Variants in TSPAN11 observed in about 807,000 individuals in gnomAD.
TSPAN11 encodes the protein tetraspanin 11.
Under a neutral mutation model 32.9 loss-of-function variants are expected in TSPAN11, and 29 were observed. The observed-to-expected ratio is 0.88, with a 90% CI of 0.66 to 1.20. TSPAN11 has a LOEUF of 1.20. Ranked by LOEUF, TSPAN11 falls within the 50% of genes most tolerant of loss-of-function variation. The pLI is 0.00. For missense variants in TSPAN11, 283 were observed against 329.1 expected, an observed-to-expected ratio of 0.86 and a Z score of 1.08; for synonymous variants, 140 against 141.3, an observed-to-expected ratio of 0.99 and a Z score of 0.07.
At chr12:30,937,080 G>T (rs576235237) in intron 1 of TSPAN11, among the ~76,000 whole-genome samples, 1 of 152,362 alleles carries the variant, frequency 6.6e-6, no homozygotes, top group African/African-American at 2.4e-5. Flanking sequence ...TTCAAAAGAA[G>T]ATGTGACCAA....
rs562488722 is a variant in TSPAN11 at position 30,928,734 on chromosome 12, A to G, written c.-12+1938A>G. Among the ~76,000 whole-genome samples the G allele has an allele frequency of 2.8e-4, 42 of 152,258 alleles. No homozygotes were observed. The South Asian group carries it at 8.7e-3, about 32-fold the overall frequency. ...CCAAATCAGGGCATCTTTCCAGATT[A>G]TCATTCTGTTTTCAACTGTGTTTTG... is the stretch of plus-strand genomic sequence containing the variant. On this transcript the variant is annotated intron_variant, in intron 1 of 7. Coordinates refer to ENST00000546076, the MANE Select transcript of TSPAN11 (RefSeq NM_001370302.1).
At chr12:30,933,624 G>C (rs1937980831) in intron 1 of TSPAN11, among the ~76,000 whole-genome samples, 1 of 152,144 alleles carries the variant, frequency 6.6e-6, no homozygotes, top group Admixed American at 6.6e-5. Flanking sequence ...TCCAACCAGA[G>C]TCATTGCCCA....
the TSPAN11 span, among the ~76,000 whole-genome samples, chr12:31,005,547 G>C: frequency 6.6e-6 from 1 of 152,222 alleles, no homozygotes; most frequent in African/African-American, 2.4e-5. Flanking sequence ...TGCAGACACA[G>C]ACGCAGGCAT....
At chr12:30,933,897 T>C (rs1362544691) in intron 1 of TSPAN11, among the ~76,000 whole-genome samples, 11 of 152,138 alleles carry the variant, frequency 7.2e-5, no homozygotes, top group African/African-American at 2.7e-4. Context: ...TAGACAGCCA[T>C]GAGGAGCCAT....
chr12:31,016,043 G>C, the TSPAN11 span, among the ~76,000 whole-genome samples: 2 of 152,212 alleles, frequency 1.3e-5, no homozygotes, highest in African/African-American at 2.4e-5. Context: ...CAGGCATGGT[G>C]AGGCAGGAGG....
At chr12:30,953,652 G>T (rs1938425613) in intron 1 of TSPAN11, among the ~76,000 whole-genome samples, 1 of 152,222 alleles carries the variant, frequency 6.6e-6, no homozygotes, top group Non-Finnish European at 1.5e-5. Context: ...AGGTAAACTT[G>T]TGTCCTGCAA....
intron 1 of TSPAN11, among the ~76,000 whole-genome samples, chr12:30,948,282 C>G (rs971051072): frequency 6.6e-6 from 1 of 152,184 alleles, no homozygotes; most frequent in Admixed American, 6.5e-5. Context: ...GACAGTGGCC[C>G]CCTTCTCACA....
chr12:31,005,867 G>A, the TSPAN11 span: 1 of 178,804 alleles, frequency 5.6e-6, no homozygotes, highest in East Asian at 1.5e-4. Flanking sequence ...CACATGGAAG[G>A]ACCTTCTACA....
downstream of TSPAN11, among the ~76,000 whole-genome samples, chr12:30,997,870 C>A (rs190672612): frequency 2.0e-5 from 3 of 152,172 alleles, no homozygotes; most frequent in African/African-American, 4.8e-5. Context: ...TTGATCCACC[C>A]GGGGAGGTCC....
chr12:30,994,668 C>T lies in TSPAN11; in HGVS notation c.*2753C>T, dbSNP rs1939383247. On this transcript the variant is annotated 3_prime_UTR_variant, in exon 8 of 8. Transcript: ENST00000546076. ...CTTCCCCGGCACCCTAGCCCCATCT[C>T]CAGGAGCCCCTCAGGCAGAGTAAGT... 6.6e-6 allele frequency: 1 copy of T among 152,246 alleles called. No individual in the cohort carries two copies. The highest frequency in any genetic ancestry group is 2.4e-5 in the African/African-American group (1 of 41,464). The allele number at this position is 152,246 out of a possible 1,614,324, so 9.4% of individuals were successfully genotyped here. A position where few individuals can be genotyped will look rare whatever the true frequency, so the allele number is the denominator to read the frequency against.
chr12:30,995,871 A>G lies in TSPAN11; in HGVS notation c.*3956A>G, dbSNP rs2140318414. 6.6e-6 allele frequency: 1 copy of G among 152,250 alleles called. No homozygotes were observed. Among genetic ancestry groups the G allele is most frequent in the Admixed American group, 6.5e-5 (1 of 15,292 alleles). 9.4% of individuals were successfully genotyped at this position (152,250 alleles called of 1,614,324 possible). A position where few individuals can be genotyped will look rare whatever the true frequency, so the allele number is the denominator to read the frequency against. ...TTTGCATTTCTGACAAGTTCCCAGGAGCTGCAGCTGCTGGCCCTGGAACCA... is the reference window on the plus strand; with the variant it reads ...TTTGCATTTCTGACAAGTTCCCAGGGGCTGCAGCTGCTGGCCCTGGAACCA... On this transcript the variant is annotated 3_prime_UTR_variant, in exon 8 of 8. Transcript: ENST00000546076.
intron 1 of TSPAN11, among the ~76,000 whole-genome samples, chr12:30,936,223 C>G (rs1189088971): frequency 6.6e-6 from 1 of 152,232 alleles, no homozygotes; most frequent in East Asian, 1.9e-4. Flanking sequence ...TTGCCCACAG[C>G]TCCCTCTTCA....
At chr12:30,985,760 G>A (rs1056793690) in intron 7 of TSPAN11, among the ~76,000 whole-genome samples, 19 of 152,238 alleles carry the variant, frequency 1.2e-4, no homozygotes, top group South Asian at 8.3e-4. Context: ...GCAGGACTGC[G>A]GATGCCCAGA....
chr12:30,952,800 A>G (rs1386526586), intron 1 of TSPAN11, among the ~76,000 whole-genome samples: 5 of 152,196 alleles, frequency 3.3e-5, no homozygotes, highest in African/African-American at 1.2e-4. Context: ...GAACAGGACG[A>G]CTGGCTGATC....
chr12:30,957,655 T>TCCTC (rs1938512892), intron 2 of TSPAN11, among the ~76,000 whole-genome samples: 1 of 66,752 alleles, frequency 1.5e-5, no homozygotes, highest in Non-Finnish European at 3.1e-5. Flanking sequence ...CTCCCTCCCT[T>TCCTC]CCTCCCTTGC....
intron 1 of TSPAN11, among the ~76,000 whole-genome samples, chr12:30,935,528 C>A (rs886705535): frequency 6.6e-6 from 1 of 152,016 alleles, no homozygotes; most frequent in Admixed American, 6.6e-5. Flanking sequence ...GGATTACAGG[C>A]ACCCACCAAC....
chr12:30,981,543 C>T (rs1197681167), intron 5 of TSPAN11, among the ~76,000 whole-genome samples: 1 of 152,124 alleles, frequency 6.6e-6, no homozygotes, highest in African/African-American at 2.4e-5. Flanking sequence ...ACTCCTTCTG[C>T]GCGCTGTGCC....
At chr12:30,957,307 G>A (rs1210035619) in intron 2 of TSPAN11, among the ~76,000 whole-genome samples, 2 of 151,496 alleles carry the variant, frequency 1.3e-5, no homozygotes, top group African/African-American at 2.4e-5. Context: ...ACAGTCGAGG[G>A]GGATATGCAT....
chr12:30,973,643 G>T (rs1204015189), intron 3 of TSPAN11, among the ~76,000 whole-genome samples: 1 of 152,168 alleles, frequency 6.6e-6, no homozygotes, highest in Admixed American at 6.5e-5. Flanking sequence ...TCCCTGCAGA[G>T]AATTCTGGGC....
Sources: allele counts gnomAD v4.1 joint callset (sites outside exome capture counted in the v4.1 genomes callset), GRCh38; gene constraint gnomAD v4.1.1; transcripts MANE v1.5; gene names NCBI Gene and HGNC (gene_info 2026-07-23, HGNC 2026-07-21).